The following AVL9 variants were observed in gnomAD, a reference collection of about 807,000 sequenced individuals.
AVL9 encodes AVL9 cell migration associated.
A neutral mutation model predicts 79.2 loss-of-function variants in AVL9; 49 were observed. That is an observed-to-expected ratio of 0.62 (90% CI 0.49 to 0.79). The LOEUF is 0.79. Among genes scored for constraint, AVL9 ranks in the 30% least tolerant of loss-of-function variants. The pLI, the probability that AVL9 is intolerant of heterozygous loss-of-function variation, is 0.00. For synonymous variants in AVL9, 299 were observed against 280.6 expected, an observed-to-expected ratio of 1.07 and a Z score of -0.65; for missense variants, 682 against 776.8, an observed-to-expected ratio of 0.88 and a Z score of 1.45.
At chr7:32,523,580 GTCTTGGCTCACTGCAGCC>G (rs1160258625) in intron 1 of AVL9, among the ~76,000 whole-genome samples, 1 of 131,778 alleles carries the variant, frequency 7.6e-6, no homozygotes, top group Non-Finnish European at 1.5e-5. Flanking sequence ...TAGTGGTGCA[GTCTTGGCTCACTGCAGCC>G]TCCGCCTTCT....
chr7:32,519,701 G>A (rs1202869519), intron 1 of AVL9, among the ~76,000 whole-genome samples: 1 of 152,058 alleles, frequency 6.6e-6, no homozygotes, highest in African/African-American at 2.4e-5. Context: ...CTAGTTAAGA[G>A]GCTATTTCAG....
intron 15 of AVL9, among the ~76,000 whole-genome samples, chr7:32,583,477 C>G (rs1307465606): frequency 6.6e-6 from 1 of 152,130 alleles, no homozygotes; most frequent in African/African-American, 2.4e-5. Flanking sequence ...GCAGGAGGAT[C>G]AGTTGAGCCA....
At chr7:32,569,240 G>A (rs1790716398) in intron 10 of AVL9, among the ~76,000 whole-genome samples, 1 of 152,196 alleles carries the variant, frequency 6.6e-6, no homozygotes, top group Admixed American at 6.5e-5. Context: ...TGCCTTCCTG[G>A]CTGTATATAC....
intron 10 of AVL9, among the ~76,000 whole-genome samples, chr7:32,563,941 G>A (rs555034336): frequency 6.6e-6 from 1 of 152,220 alleles, no homozygotes; most frequent in East Asian, 1.9e-4. Context: ...AGAAAACTCG[G>A]GTTTCTCAGA....
chr7:32,536,288 A>G (rs1201025666), intron 1 of AVL9: 1 of 152,154 alleles, frequency 6.6e-6, no homozygotes, highest in African/African-American at 2.4e-5. Flanking sequence ...TACTACACTT[A>G]TCATCACTTC....
chr7:32,583,816 C>T lies in AVL9; in HGVS notation c.1856C>T (p.Ser619Phe). The T allele has an allele frequency of 6.2e-7, 1 of 1,613,734 alleles. No homozygotes were observed. The highest frequency in any genetic ancestry group is 1.7e-4 in the Middle Eastern group (1 of 6,060). The change falls in exon 16 of 16, where the codon TCC becomes TTC. Residue 619 changes from serine (S) to phenylalanine (F), a missense_variant. Coordinates refer to ENST00000318709, the MANE Select transcript of AVL9 (RefSeq NM_015060.3). ...AVGQSVGGAF[S>F]SAKTAMSSWL... The stretch of plus-strand genomic sequence containing the variant: ...GGCCAGTCAGTTGGAGGAGCTTTTT[C>T]CAGTGCAAAGACAGCTATGTCTTCA...
intron 1 of AVL9, among the ~76,000 whole-genome samples, 160 bp from the exon 2 acceptor site, chr7:32,542,981 C>T (rs868038066): frequency 1.3e-5 from 2 of 152,230 alleles, no homozygotes; most frequent in South Asian, 4.1e-4. Context: ...TTTTTTTCCC[C>T]CTCTTCCATG....
chr7:32,507,764 A>G (rs1787473481), intron 1 of AVL9, among the ~76,000 whole-genome samples: 1 of 152,174 alleles, frequency 6.6e-6, no homozygotes, highest in African/African-American at 2.4e-5. Flanking sequence ...TATACTTAAG[A>G]GTGGAATTGA....
intron 1 of AVL9, among the ~76,000 whole-genome samples, chr7:32,527,293 C>A (rs1659624459): frequency 6.6e-6 from 1 of 152,056 alleles, no homozygotes; most frequent in African/African-American, 2.4e-5. Context: ...TAATGGTGCC[C>A]AAAAGAGTTC....
At chr7:32,578,824 T>C (rs1791218508) in intron 13 of AVL9, among the ~76,000 whole-genome samples, 1 of 152,084 alleles carries the variant, frequency 6.6e-6, no homozygotes, top group African/African-American at 2.4e-5. Flanking sequence ...AAATGAATGC[T>C]AGACGTCTGT....
intron 1 of AVL9, among the ~76,000 whole-genome samples, chr7:32,510,884 G>A (rs566693338): frequency 2.2e-5 from 3 of 138,112 alleles, no homozygotes; most frequent in African/African-American, 5.3e-5. Context: ...AGAATCCACA[G>A]TCCTGGCACT....
chr7:32,503,365 TATATATATACACAC>T (rs1230976288), intron 1 of AVL9, among the ~76,000 whole-genome samples: 7 of 103,110 alleles, frequency 6.8e-5, no homozygotes, highest in South Asian at 3.4e-4. Context: ...TAGAGAGATA[TATATATATACACAC>T]ACACACACAC....
At position 32,495,757 on chromosome 7, in the gene AVL9, A is replaced by C. The variant is rs1046189326; in HGVS notation, c.48A>C (p.Val16=). 4.8e-6 allele frequency: 6 copies of C among 1,259,626 alleles called. No individual in the cohort carries two copies. In the African/African-American group the frequency reaches 7.8e-5, roughly 16 times the overall value. 78.0% of individuals were successfully genotyped at this position (1,259,626 alleles called of 1,614,324 possible). A position where few individuals can be genotyped will look rare whatever the true frequency, so the allele number is the denominator to read the frequency against. The change falls in exon 1 of 16, where the codon GTA becomes GTC. Residue 16 remains valine, a synonymous_variant. Transcript: ENST00000318709. ...RGGDGVPRGP[V]LHIVVVGFHH... ...GGGATGGCGTCCCCCGGGGGCCCGTACTGCACATCGTGGTGGTCGGATTTC... is the reference window on the plus strand; with the variant it reads ...GGGATGGCGTCCCCCGGGGGCCCGTCCTGCACATCGTGGTGGTCGGATTTC...
intron 1 of AVL9, chr7:32,535,463 T>A (rs1428362745): frequency 6.6e-6 from 1 of 152,232 alleles, no homozygotes; most frequent in Non-Finnish European, 1.5e-5. Flanking sequence ...AAAAGGAAAG[T>A]AACTTTGAAA....
rs548781514 is a variant in AVL9 at position 32,581,464 on chromosome 7, A to T, written c.1831+574A>T. ...TAACCAGTTTAACAACATAAATGAAATATACAAATTTTTTTAAAGATTCGC... is the reference window on the plus strand; with the variant it reads ...TAACCAGTTTAACAACATAAATGAATTATACAAATTTTTTTAAAGATTCGC... On this transcript the variant is annotated intron_variant, in intron 15 of 15. Transcript: ENST00000318709. 5 of 152,388 alleles carry T rather than the reference A, an allele frequency of 3.3e-5. No homozygotes were observed. In the South Asian group the frequency reaches 1.0e-3, roughly 32 times the overall value. 9.4% of individuals were successfully genotyped at this position (152,388 alleles called of 1,614,324 possible).
intron 10 of AVL9, among the ~76,000 whole-genome samples, chr7:32,568,212 T>A (rs1050393178): frequency 4.0e-5 from 6 of 151,228 alleles, no homozygotes; most frequent in African/African-American, 9.7e-5. Flanking sequence ...TTTATTTTTT[T>A]TTTTTTGAGA....
rs192768913 is a variant in AVL9 at position 32,514,981 on chromosome 7, C to T, written c.93+19179C>T. Reference sequence around the variant, plus strand: ...GAGCACAGGGTTGGGACAAGAGTTACAGATTAACAGCATCTCAAAGCAGAA... The same window carrying T: ...GAGCACAGGGTTGGGACAAGAGTTATAGATTAACAGCATCTCAAAGCAGAA... On this transcript the variant is annotated intron_variant, in intron 1 of 15. Coordinates refer to ENST00000318709, the MANE Select transcript of AVL9 (RefSeq NM_015060.3). Among the ~76,000 whole-genome samples the T allele has an allele frequency of 4.7e-4, 72 of 152,322 alleles. No individual in the cohort carries two copies. The East Asian group carries it at 0.013, about 27-fold the overall frequency.
Position 32,559,246 on chromosome 7 carries a change from A to G in AVL9, c.997A>G (p.Thr333Ala). The part of the protein sequence containing the change: ...SPDSSESDWE[T>A]LDPSVLEDPN... ...AGATTCTTCAGAAAGTGACTGGGAA[A>G]CTTTGGATCCTAGTGTCTTAGAGGA... is the stretch of plus-strand genomic sequence containing the variant. The change falls in exon 10 of 16, where the codon ACT (threonine) becomes GCT (alanine). Residue 333 changes from threonine (T) to alanine (A), a missense_variant. Transcript: ENST00000318709. 1 of 1,614,216 alleles carries G rather than the reference A, an allele frequency of 6.2e-7. No individual in the cohort carries two copies. The highest frequency in any genetic ancestry group is 8.5e-7 in the Non-Finnish European group (1 of 1,180,034).
intron 13 of AVL9, among the ~76,000 whole-genome samples, chr7:32,579,549 ATT>A: frequency 2.5e-4 from 1 of 3,964 alleles, no homozygotes; most frequent in South Asian, 8.6e-3. Flanking sequence ...TATATTATAT[ATT>A]ATATATTATA....
Sources: allele counts gnomAD v4.1 joint callset (sites outside exome capture counted in the v4.1 genomes callset), GRCh38; gene constraint gnomAD v4.1.1; transcripts MANE v1.5; gene names NCBI Gene and HGNC (gene_info 2026-07-23, HGNC 2026-07-21).